Variants in SATB1 observed in about 807,000 individuals in gnomAD.
SATB1 encodes SATB homeobox 1.
A neutral mutation model predicts 86.9 loss-of-function variants in SATB1; 11 were observed. The ratio of observed to expected loss-of-function variants is 0.13; its 90% CI spans 0.08 to 0.21. The LOEUF (loss-of-function observed/expected upper bound fraction) is 0.21. Among genes scored for constraint, SATB1 ranks in the 10% least tolerant of loss-of-function variants. The pLI is 1.00. For missense variants in SATB1, 551 were observed against 937.6 expected (o/e 0.59, Z 5.39); for synonymous variants, 357 against 357.2 (o/e 1.00, Z 0.01).
At chr3:18,358,206 A>T (rs1694747305) in intron 9 of SATB1, among the ~76,000 whole-genome samples, 1 of 151,964 alleles carries the variant, frequency 6.6e-6, no homozygotes. Context: ...CTTCTTTCCC[A>T]TTCAAATCAT....
chr3:18,418,787 T>C (rs933895861), intron 2 of SATB1, among the ~76,000 whole-genome samples: 3 of 152,176 alleles, frequency 2.0e-5, no homozygotes, highest in African/African-American at 7.2e-5. Context: ...AAAATGTTAA[T>C]AAAAACCCAC....
chr3:18,392,162 G>C (rs1189170729), intron 7 of SATB1, among the ~76,000 whole-genome samples: 2 of 151,912 alleles, frequency 1.3e-5, no homozygotes, highest in Non-Finnish European at 2.9e-5. Flanking sequence ...CTGCAATCAA[G>C]CTATACAAGG....
intron 9 of SATB1, among the ~76,000 whole-genome samples, chr3:18,361,324 G>A (rs1694896318): frequency 1.3e-5 from 2 of 152,056 alleles, no homozygotes; most frequent in Non-Finnish European, 2.9e-5. Flanking sequence ...TAGTTCACAG[G>A]GTTGTGAGAA....
At chr3:18,383,835 A>G (rs1696183844) in intron 8 of SATB1, among the ~76,000 whole-genome samples, 1 of 152,174 alleles carries the variant, frequency 6.6e-6, no homozygotes, top group African/African-American at 2.4e-5. Flanking sequence ...ATACCTTAAG[A>G]TTTCTTAAAA....
chr3:18,351,405 G>A (rs1421136584), intron 10 of SATB1: 2 of 1,544,892 alleles, frequency 1.3e-6, no homozygotes, highest in East Asian at 2.4e-5. Context: ...GTGGGAGAGG[G>A]GCTCTAAAGG....
At chr3:18,438,958 T>C (rs977697394), upstream of SATB1, among the ~76,000 whole-genome samples, 2 of 152,204 alleles carry the variant, frequency 1.3e-5, no homozygotes, top group Non-Finnish European at 2.9e-5. Flanking sequence ...CACCCCTAGG[T>C]ATTCAAAAAT....
At chr3:18,405,397 T>C (rs1350058547) in intron 5 of SATB1, among the ~76,000 whole-genome samples, 2 of 151,840 alleles carry the variant, frequency 1.3e-5, no homozygotes, top group Non-Finnish European at 2.9e-5. Flanking sequence ...AGGTCCTAAA[T>C]AGAGCCTTTT....
chr3:18,441,259 A>G (rs1184537021), upstream of SATB1, among the ~76,000 whole-genome samples: 1 of 152,186 alleles, frequency 6.6e-6, no homozygotes, highest in African/African-American at 2.4e-5. Context: ...GTATATAGCA[A>G]CTAATTTTCT....
chr3:18,371,792 G>T (rs1473049849), intron 9 of SATB1, among the ~76,000 whole-genome samples: 1 of 152,114 alleles, frequency 6.6e-6, no homozygotes, highest in Admixed American at 6.6e-5. Context: ...CAACTACTGA[G>T]ACTTTTAAGA....
At chr3:18,441,617 G>C (rs1396477751), upstream of SATB1, among the ~76,000 whole-genome samples, 3 of 152,232 alleles carry the variant, frequency 2.0e-5, no homozygotes, top group African/African-American at 4.8e-5. Flanking sequence ...GAAATTTACA[G>C]AACAGATGAA....
chr3:18,417,828 G>A, intron 2 of SATB1: 1 of 564,182 alleles, frequency 1.8e-6, no homozygotes, highest in Non-Finnish European at 3.1e-6. Flanking sequence ...AGGTAAAAAT[G>A]AGAGATAGAA....
chr3:18,422,202 A>G (rs1441627933), intron 1 of SATB1, among the ~76,000 whole-genome samples: 1 of 152,198 alleles, frequency 6.6e-6, no homozygotes, highest in Non-Finnish European at 1.5e-5. Flanking sequence ...GCTGTCTAGT[A>G]ATTTGATATA....
At chr3:18,376,225 A>G (rs1278939480) in intron 9 of SATB1, among the ~76,000 whole-genome samples, 1 of 151,716 alleles carries the variant, frequency 6.6e-6, no homozygotes, top group Non-Finnish European at 1.5e-5. Context: ...GAAGTCAAAG[A>G]TAGCAAAGGA....
At chr3:18,441,957 G>A (rs1699253583), upstream of SATB1, among the ~76,000 whole-genome samples, 1 of 151,890 alleles carries the variant, frequency 6.6e-6, no homozygotes, top group African/African-American at 2.4e-5. Flanking sequence ...TAAGATGCTG[G>A]GAGACAAAAG....
chr3:18,420,663 C>T (rs1698337604), intron 2 of SATB1, 94 bp downstream of exon 2: 1 of 965,120 alleles, frequency 1.0e-6, no homozygotes, highest in African/African-American at 1.6e-5. Flanking sequence ...GCAGAGTATA[C>T]AAAACATGTT....
At position 18,349,103 on chromosome 3, in the gene SATB1, C is replaced by T; in HGVS notation, c.*67G>A. The T allele has an allele frequency of 6.4e-6, 10 of 1,554,744 alleles. No individual in the cohort carries two copies. The highest frequency in any genetic ancestry group is 1.3e-5 in the South Asian group (1 of 78,168). On this transcript the variant is annotated 3_prime_UTR_variant, in exon 11 of 11. Coordinates refer to ENST00000338745, the MANE Select transcript of SATB1 (RefSeq NM_002971.6). The surrounding 1 kb of genome is among the most constrained non-coding windows in gnomAD (Gnocchi z 5.5). ...ACAACAAAGGTTTTCTGAGAGAAGACAAGGTGGACTTTTCATTTTGTTAGT... is the reference window on the plus strand; with the variant it reads ...ACAACAAAGGTTTTCTGAGAGAAGATAAGGTGGACTTTTCATTTTGTTAGT...
Position 18,444,476 on chromosome 3 carries a change from G to A in SATB1, c.-25+1042C>T. ...GAAGCCCTGCGCCCACGAGAGGGGA[G>A]CCCAGCCGCCCCAATAGGGGACGAG... On this transcript the variant is annotated intron_variant, in intron 1 of 3. Coordinates refer to the SATB1 transcript ENST00000415069. This position sits in a 1 kb window ranked among gnomAD's most constrained non-coding sequence, Gnocchi z 5.1. The A allele has an allele frequency of 1.7e-6, 1 of 604,546 alleles. No homozygotes were observed. The highest frequency in any genetic ancestry group is 2.1e-6 in the Non-Finnish European group (1 of 481,950). The allele number at this position is 604,546 out of a possible 1,614,324, so 37.4% of individuals were successfully genotyped here.
intron 2 of SATB1, among the ~76,000 whole-genome samples, chr3:18,434,682 A>G (rs1699001408): frequency 6.6e-6 from 1 of 151,886 alleles, no homozygotes; most frequent in African/African-American, 2.4e-5. Flanking sequence ...AAGCAGGATC[A>G]GGTTCCGTAT....
intron 10 of SATB1, chr3:18,351,024 A>G: frequency 2.5e-6 from 1 of 402,654 alleles, no homozygotes; most frequent in Non-Finnish European, 4.7e-6. Flanking sequence ...CTCAAGTTCA[A>G]TGACAACACG....
Sources: allele counts gnomAD v4.1 joint callset (sites outside exome capture counted in the v4.1 genomes callset), GRCh38; gene constraint gnomAD v4.1.1; non-coding constraint Gnocchi (gnomAD v3.1); transcripts MANE v1.5; gene names NCBI Gene and HGNC (gene_info 2026-07-23, HGNC 2026-07-21).